The following WDFY3 variants were observed in gnomAD, a reference collection of about 807,000 sequenced individuals.
WDFY3 encodes the protein WD repeat and FYVE domain containing 3.
A neutral mutation model predicts 409.6 loss-of-function variants in WDFY3; 66 were observed. The observed-to-expected ratio is 0.16, with a 90% CI of 0.13 to 0.20. The LOEUF (loss-of-function observed/expected upper bound fraction) is 0.20, where lower values mean the gene tolerates loss of function less well. Among genes scored for constraint, WDFY3 ranks in the 10% least tolerant of loss-of-function variants. The pLI, the probability that WDFY3 is intolerant of heterozygous loss-of-function variation, is 1.00. For missense variants in WDFY3, 3,031 were observed against 4,298.1 expected (o/e 0.71, Z 8.24); for synonymous variants, 1,521 against 1,537.1 (o/e 0.99, Z 0.25).
intron 1 of WDFY3, among the ~76,000 whole-genome samples, chr4:84,948,707 T>C (rs1773219382): frequency 1.3e-5 from 2 of 152,216 alleles, no homozygotes; most frequent in Admixed American, 1.3e-4. Flanking sequence ...TTTTCCTGTT[T>C]ATAGCTCAGC....
At chr4:84,927,018 T>C (rs1444329722) in intron 2 of WDFY3, among the ~76,000 whole-genome samples, 3 of 152,242 alleles carry the variant, frequency 2.0e-5, no homozygotes, top group East Asian at 3.8e-4. Flanking sequence ...TTTACTTAAT[T>C]TCTGTATACT....
chr4:84,787,870 C>G (rs552752971), intron 22 of WDFY3, among the ~76,000 whole-genome samples, 157 bp from the exon 23 acceptor site: 22 of 152,296 alleles, frequency 1.4e-4, no homozygotes, highest in African/African-American at 4.6e-4. Flanking sequence ...AGGCACGATA[C>G]TGGGATCTGT....
rs1162948849 is a variant in WDFY3, at chr4:84,757,179, T to C, written c.5189-18A>G. On this transcript the variant is annotated intron_variant, in intron 32 of 67. Transcript: ENST00000295888. Reference sequence around the variant, plus strand: ...GTTGAATCCTAAGAGAAGAGGAATATAACAGTAAGTGCAAAATCAGCAACT... The same window carrying C: ...GTTGAATCCTAAGAGAAGAGGAATACAACAGTAAGTGCAAAATCAGCAACT... The C allele has an allele frequency of 1.2e-6, 2 of 1,603,354 alleles. No homozygotes were observed. The highest frequency in any genetic ancestry group is 3.3e-5 in the Admixed American group (2 of 59,788).
At chr4:84,739,307 A>T (rs899490389) in intron 39 of WDFY3, 188 bp from the exon 40 acceptor site, 1 of 570,264 alleles carries the variant, frequency 1.8e-6, no homozygotes, top group African/African-American at 1.9e-5. Flanking sequence ...CCACCTGACT[A>T]AATGTAATTA....
chr4:84,778,835 GA>G (rs1746016005), intron 26 of WDFY3, among the ~76,000 whole-genome samples, 180 bp from the exon 27 acceptor site: 1 of 151,930 alleles, frequency 6.6e-6, no homozygotes, highest in South Asian at 2.1e-4. Flanking sequence ...TTTTTATTAT[GA>G]AAATATAACA....
intron 4 of WDFY3, among the ~76,000 whole-genome samples, chr4:84,853,167 C>T (rs1229159802): frequency 6.6e-6 from 1 of 152,002 alleles, no homozygotes; most frequent in Non-Finnish European, 1.5e-5. Context: ...AGTACATAGC[C>T]TTTTGTTATT....
At chr4:84,922,092 G>A (rs976787968) in intron 2 of WDFY3, among the ~76,000 whole-genome samples, 45 of 151,484 alleles carry the variant, frequency 3.0e-4, no homozygotes, top group Non-Finnish European at 6.3e-4. Context: ...ATCTGTATCC[G>A]GATTCTAGTA....
At chr4:84,674,986 A>G (rs1436533138) in intron 67 of WDFY3, among the ~76,000 whole-genome samples, 1 of 148,426 alleles carries the variant, frequency 6.7e-6, no homozygotes, top group Non-Finnish European at 1.5e-5. Flanking sequence ...TATTTTTTTG[A>G]GATGGAGTCT....
At chr4:84,955,268 G>A (rs1350845232) in intron 1 of WDFY3, among the ~76,000 whole-genome samples, 1 of 151,288 alleles carries the variant, frequency 6.6e-6, no homozygotes, top group African/African-American at 2.4e-5. Flanking sequence ...ACTAAATAAA[G>A]AAGAACAGTA....
chr4:84,741,982 C>A, intron 37 of WDFY3, 61 bp from the exon 38 acceptor site: 2 of 1,436,830 alleles, frequency 1.4e-6, no homozygotes, highest in East Asian at 4.9e-5. Flanking sequence ...AGGACCAGAT[C>A]CTCAAAAAAA....
At chr4:84,900,422 C>T (rs1386601077) in intron 2 of WDFY3, among the ~76,000 whole-genome samples, 1 of 152,036 alleles carries the variant, frequency 6.6e-6, no homozygotes, top group Non-Finnish European at 1.5e-5. Context: ...GGTGGGGTCT[C>T]ATTATGATGC....
chr4:84,740,503 A>G, intron 38 of WDFY3, 87 bp from the exon 39 acceptor site: 1 of 1,247,130 alleles, frequency 8.0e-7, no homozygotes, highest in Non-Finnish European at 1.1e-6. Flanking sequence ...TATTAGGTCT[A>G]TTATATACCA....
intron 36 of WDFY3, among the ~76,000 whole-genome samples, chr4:84,749,439 T>A (rs1740102016): frequency 1.3e-5 from 2 of 152,136 alleles, no homozygotes; most frequent in Non-Finnish European, 2.9e-5. Flanking sequence ...GGGATGAAGT[T>A]AATAGTTAAA....
intron 2 of WDFY3, among the ~76,000 whole-genome samples, chr4:84,903,521 T>C (rs1766608181): frequency 6.6e-6 from 1 of 152,100 alleles, no homozygotes; most frequent in Non-Finnish European, 1.5e-5. Flanking sequence ...GGTTTCTCCA[T>C]GTAACCCAGG....
At chr4:84,716,558 A>C (rs1453085930) in intron 49 of WDFY3, among the ~76,000 whole-genome samples, 1 of 151,258 alleles carries the variant, frequency 6.6e-6, no homozygotes, top group Non-Finnish European at 1.5e-5. Context: ...GCACTTTGGG[A>C]GGCCAAGGCG....
intron 51 of WDFY3, among the ~76,000 whole-genome samples, chr4:84,710,442 T>G (rs1732693434): frequency 6.6e-6 from 1 of 152,218 alleles, no homozygotes; most frequent in African/African-American, 2.4e-5. Flanking sequence ...TTTATAATAT[T>G]GATAATTAAT....
At chr4:84,841,382 A>G in intron 5 of WDFY3, 119 bp from the exon 6 acceptor site, 1 of 766,216 alleles carries the variant, frequency 1.3e-6, no homozygotes, top group Non-Finnish European at 2.1e-6. Flanking sequence ...CAGCACTATT[A>G]CATATAGAAA....
intron 64 of WDFY3, among the ~76,000 whole-genome samples, chr4:84,681,038 T>C (rs1175208845): frequency 6.6e-6 from 1 of 152,204 alleles, no homozygotes; most frequent in African/African-American, 2.4e-5. Context: ...CGGCTTATGA[T>C]CGTGAGCTCT....
rs561714986 is a variant in WDFY3, at chr4:84,772,262, AAGAAAAAC to A, written c.4849+565_4849+572del. 2.9e-4 allele frequency among the ~76,000 whole-genome samples: 44 copies of A among 152,294 alleles called. 2 individuals are homozygous for A. The South Asian group carries it at 8.9e-3, about 31-fold the overall frequency. ...ACTCTCCTGTCCTAGCATATACAAC[AAGAAAAAC>A]ATATGGGAACAGAGGGAGGATATAT... On this transcript the variant is annotated intron_variant, in intron 30 of 67. Transcript: ENST00000295888.
Sources: gnomAD v4.1 joint callset for allele counts (sites outside exome capture counted in the v4.1 genomes callset) on GRCh38, gnomAD v4.1.1 for gene constraint, MANE v1.5 for transcripts, NCBI Gene and HGNC (gene_info 2026-07-23, HGNC 2026-07-21) for gene names.